Variants in PEMT observed in about 807,000 individuals in gnomAD.
PEMT encodes the protein phospholipid methyltransferase.
A neutral mutation model predicts 27.4 loss-of-function variants in PEMT; 23 were observed. The observed-to-expected ratio is 0.84, with a 90% confidence interval of 0.60 to 1.19. The LOEUF is 1.19. PEMT is among the 50% of genes most tolerant of loss of function. PEMT has a pLI of 0.00. For missense variants in PEMT, 307 were observed against 310.1 expected, an observed-to-expected ratio of 0.99 and a Z score of 0.07; for synonymous variants, 137 against 139.1, an observed-to-expected ratio of 0.98 and a Z score of 0.11.
At chr17:17,590,844 A>G (rs893805929) in intron 1 of PEMT, among the ~76,000 whole-genome samples, 4 of 152,200 alleles carry the variant, frequency 2.6e-5, no homozygotes, top group Non-Finnish European at 4.4e-5. Flanking sequence ...GAGCCTGGGG[A>G]GATGCCAGGA....
At chr17:17,532,942 G>T (rs767801452) in intron 2 of PEMT, among the ~76,000 whole-genome samples, 4 of 152,184 alleles carry the variant, frequency 2.6e-5, no homozygotes, top group Non-Finnish European at 5.9e-5. Context: ...CAGGAGAATC[G>T]CTTGAACTCG....
rs1912600704 is a variant in PEMT, at chr17:17,591,691, C to T, written c.-65G>A. 4 of 1,545,420 alleles carry T rather than the reference C, an allele frequency of 2.6e-6. 1 individual carries two copies. On this transcript the variant is annotated 5_prime_UTR_variant, in exon 1 of 7. Transcript: ENST00000255389. ...CAGCCACGCGCCCCCGGAACCGGAC[C>T]TATAGAGCCGGGTAAGTGCCGCCAG...
Position 17,567,207 on chromosome 17 carries a change from G to A in PEMT, c.204+9713C>T, listed in dbSNP as rs1910884262. Among the ~76,000 whole-genome samples the A allele has an allele frequency of 3.3e-5, 5 of 152,374 alleles. 1 individual carries two copies. The South Asian group carries it at 1.0e-3, about 32-fold the overall frequency. On this transcript the variant is annotated intron_variant, in intron 2 of 6. Transcript: ENST00000255389. ...ATCCTGCCTGCCAGGCTCCAGGTGG[G>A]AGTGCGCTCCCTCTCCCCTCCCTTT...
chr17:17,558,289 CT>C (rs1020822432), intron 2 of PEMT, among the ~76,000 whole-genome samples: 2 of 151,878 alleles, frequency 1.3e-5, no homozygotes, highest in African/African-American at 4.8e-5. Flanking sequence ...GGTGGAACAC[CT>C]GAGGTCAAGA....
rs1567762815 is a variant in PEMT at position 17,589,293 on chromosome 17, A to ATTT, written c.96+2237_96+2238insAAA. Among the ~76,000 whole-genome samples the ATTT allele has an allele frequency of 4.0e-3, 373 of 93,960 alleles. 3 individuals are homozygous for ATTT. Among genetic ancestry groups the ATTT allele is most frequent in the African/African-American group, 0.014 (337 of 23,254 alleles). 61.6% of individuals were successfully genotyped at this position (93,960 alleles called of 152,430 possible). A position where few individuals can be genotyped will look rare whatever the true frequency, so the allele number is the denominator to read the frequency against. The stretch of plus-strand genomic sequence containing the variant: ...GCTGATTTTTTTTTTTTTTTTTTTA[A>ATTT]AAACAAAAGCAAGATTCTGTACCTG... On this transcript the variant is annotated intron_variant, in intron 1 of 6. Transcript: ENST00000255389.
intron 2 of PEMT, among the ~76,000 whole-genome samples, chr17:17,549,890 A>T (rs916642593): frequency 6.6e-6 from 1 of 152,202 alleles, no homozygotes; most frequent in African/African-American, 2.4e-5. Flanking sequence ...ACACACATTC[A>T]GTCCCTGCAA....
intron 2 of PEMT, among the ~76,000 whole-genome samples, chr17:17,537,273 TGAG>T (rs1908543340): frequency 6.6e-6 from 1 of 152,122 alleles, no homozygotes; most frequent in South Asian, 2.1e-4. Context: ...CCTGCTCCTG[TGAG>T]GAGGACCCAC....
intron 2 of PEMT, among the ~76,000 whole-genome samples, chr17:17,549,956 G>A (rs1412250093): frequency 6.6e-6 from 1 of 152,174 alleles, no homozygotes; most frequent in Non-Finnish European, 1.5e-5. Flanking sequence ...GGCGCAGGGA[G>A]GGAGCACACG....
chr17:17,575,623 T>C (rs960231219), intron 2 of PEMT, among the ~76,000 whole-genome samples: 36 of 152,136 alleles, frequency 2.4e-4, no homozygotes, highest in African/African-American at 7.2e-4. Context: ...CTGGGGACGG[T>C]GTGGCTGAGA....
At chr17:17,583,863 G>A (rs1479526856) in intron 1 of PEMT, among the ~76,000 whole-genome samples, 1 of 152,242 alleles carries the variant, frequency 6.6e-6, no homozygotes, top group African/African-American at 2.4e-5. Context: ...AGGGGTGGAA[G>A]TTAGAATGTC....
rs1483063738 is a variant in PEMT, at chr17:17,523,039, GCCA to G, written c.205-647_205-645del. Among the ~76,000 whole-genome samples the G allele has an allele frequency of 6.6e-6, 1 of 152,174 alleles. No homozygotes were observed. The highest frequency in any genetic ancestry group is 1.5e-5 in the Non-Finnish European group (1 of 68,024). On this transcript the variant is annotated intron_variant, in intron 2 of 6. Transcript: ENST00000255389. The surrounding 1 kb of genome is among the most constrained non-coding windows in gnomAD (Gnocchi z 4.8). ...ATCACATCTGGAATCTCAACATCTGGCCACCAACGGTGGAGAGAAGGGAGCTCT... is the reference window on the plus strand; with the variant it reads ...ATCACATCTGGAATCTCAACATCTGGCCAACGGTGGAGAGAAGGGAGCTCT...
intron 2 of PEMT, among the ~76,000 whole-genome samples, chr17:17,550,695 G>A (rs771249625): frequency 1.2e-4 from 19 of 152,190 alleles, no homozygotes; most frequent in Non-Finnish European, 1.8e-4. Context: ...GTTCAAGGTC[G>A]CAGGTGGCTA....
At position 17,576,944 on chromosome 17, in the gene PEMT, G is replaced by A. The variant is rs1284711763; in HGVS notation, c.180C>T (p.Thr60=). ...PSFVAAVITI[T]FNPLYWNVVA... Reference sequence around the variant, plus strand: ...CCACATTCCAGTAGAGCGGATTGAAGGTGATGGTGATGACGGCAGCCACAA... The same window carrying A: ...CCACATTCCAGTAGAGCGGATTGAAAGTGATGGTGATGACGGCAGCCACAA... The change falls in exon 2 of 7, where the codon ACC becomes ACT. Residue 60 remains threonine, a synonymous_variant. Transcript: ENST00000255389. 5 of 1,613,788 alleles carry A rather than the reference G, an allele frequency of 3.1e-6. No homozygotes were observed. In the East Asian group the frequency reaches 6.7e-5, roughly 22 times the overall value.
chr17:17,505,911 AG>A, intron 6 of PEMT, 63 bp from the exon 7 acceptor site: 2 of 1,540,052 alleles, frequency 1.3e-6, no homozygotes, highest in Non-Finnish European at 1.8e-6. Flanking sequence ...TGCCCGCACC[AG>A]AGCTCTGCGT....
chr17:17,508,915 C>T (rs930801527), intron 5 of PEMT: 4 of 333,264 alleles, frequency 1.2e-5, no homozygotes, highest in East Asian at 1.2e-4. Flanking sequence ...ACCCCTCCTG[C>T]GGGGAAGATG....
In PEMT at chr17:17,505,651, A is replaced by G. The variant is rs1905762179; in HGVS notation, c.*140T>C. On this transcript the variant is annotated 3_prime_UTR_variant, in exon 7 of 7. Transcript: ENST00000255389. ...TCGGCACGTCCAGGGTCCCCAAGGC[A>G]GCAGGTTCCAAGGCACTGGGGCAGC... 4 of 915,348 alleles carry G rather than the reference A, an allele frequency of 4.4e-6. No individual in the cohort carries two copies. The South Asian group carries it at 9.9e-5, about 23-fold the overall frequency. 56.7% of individuals were successfully genotyped at this position (915,348 alleles called of 1,614,324 possible). A position where few individuals can be genotyped will look rare whatever the true frequency, so the allele number is the denominator to read the frequency against.
rs542612851 is a variant in PEMT, at chr17:17,541,969, CTCTTTTT to C, written c.205-19581_205-19575del. Among the ~76,000 whole-genome samples, 403 of 152,346 alleles carry C rather than the reference CTCTTTTT, an allele frequency of 2.6e-3. 2 individuals are homozygous for C. Among genetic ancestry groups the C allele is most frequent in the African/African-American group, 7.4e-3 (307 of 41,594 alleles). On this transcript the variant is annotated intron_variant, in intron 2 of 6. Transcript: ENST00000255389. ...AGCCAGAAGGGCACAGCCCACCTTC[CTCTTTTT>C]TCTTTTTTCTTTTTCTTTTTTTGAG...
At chr17:17,573,448 C>T (rs1911347817) in intron 2 of PEMT, among the ~76,000 whole-genome samples, 1 of 141,242 alleles carries the variant, frequency 7.1e-6, no homozygotes, top group Non-Finnish European at 1.5e-5. Flanking sequence ...GCCTGGGAAA[C>T]AGAGTGAGAT....
intron 1 of PEMT, among the ~76,000 whole-genome samples, chr17:17,588,302 C>A (rs939629151): frequency 7.2e-5 from 11 of 152,078 alleles, no homozygotes; most frequent in African/African-American, 2.7e-4. Context: ...TTTTTGGAAA[C>A]GATTTTGGAT....
Sources: allele counts gnomAD v4.1 joint callset (sites outside exome capture counted in the v4.1 genomes callset), GRCh38; gene constraint gnomAD v4.1.1; non-coding constraint Gnocchi (gnomAD v3.1); transcripts MANE v1.5; gene names NCBI Gene and HGNC (gene_info 2026-07-23, HGNC 2026-07-21).